The following KDM4C variants were observed in gnomAD, a reference collection of about 807,000 sequenced individuals.
The protein encoded by KDM4C is lysine-specific demethylase 4C.
Under a neutral mutation model 129.3 loss-of-function variants are expected in KDM4C, and 81 were observed. The observed-to-expected ratio is 0.63, with a 90% CI of 0.52 to 0.75. KDM4C has a LOEUF of 0.75. Ranked by LOEUF, KDM4C falls within the 30% of genes least tolerant of loss-of-function variation. The probability of loss-of-function intolerance (pLI) is 0.00; values close to 1 mark genes in which losing one functional copy is unlikely to be tolerated. For missense variants in KDM4C, 1,457 were observed against 1,304.0 expected (o/e 1.12, Z -1.81); for synonymous variants, 573 against 456.1 (o/e 1.26, Z -3.26).
chr9:7,156,203 G>A (rs550512745), intron 19 of KDM4C, among the ~76,000 whole-genome samples: 158 of 152,278 alleles, frequency 1.0e-3, no homozygotes, highest in African/African-American at 3.7e-3. Flanking sequence ...TGATGAGGTT[G>A]TTTGTTCTTT....
chr9:6,892,176 T>C (rs1371150072), intron 7 of KDM4C, among the ~76,000 whole-genome samples: 1 of 152,196 alleles, frequency 6.6e-6, no homozygotes, highest in African/African-American at 2.4e-5. Context: ...ACTGAAAGAA[T>C]TTAAAGATAT....
intron 15 of KDM4C, among the ~76,000 whole-genome samples, chr9:7,038,914 A>G (rs1020746014): frequency 2.6e-5 from 4 of 152,116 alleles, no homozygotes; most frequent in African/African-American, 9.6e-5. Flanking sequence ...AACTTTTTAC[A>G]TATTTTTTGT....
At chr9:6,837,406 A>G (rs1446072891) in intron 4 of KDM4C, among the ~76,000 whole-genome samples, 4 of 152,246 alleles carry the variant, frequency 2.6e-5, no homozygotes, top group Non-Finnish European at 2.9e-5. Context: ...ATACAATACA[A>G]AATTCACCCA....
chr9:7,083,652 G>A (rs1322564875), intron 17 of KDM4C, among the ~76,000 whole-genome samples: 1 of 151,620 alleles, frequency 6.6e-6, no homozygotes, highest in Admixed American at 6.6e-5. Context: ...AATCTTATGG[G>A]ACCACCATGG....
At chr9:6,997,738 T>C (rs1820026288) in intron 12 of KDM4C, among the ~76,000 whole-genome samples, 2 of 152,198 alleles carry the variant, frequency 1.3e-5, no homozygotes, top group African/African-American at 4.8e-5. Flanking sequence ...TGAGGCTTGG[T>C]CATGAATGAT....
At chr9:6,787,013 G>C (rs1314816660) in intron 1 of KDM4C, among the ~76,000 whole-genome samples, 1 of 151,998 alleles carries the variant, frequency 6.6e-6, no homozygotes, top group Non-Finnish European at 1.5e-5. Flanking sequence ...GATTGAAAAA[G>C]GTCTAAAACC....
At chr9:6,997,240 TGAG>T (rs1035226004) in intron 12 of KDM4C, among the ~76,000 whole-genome samples, 1 of 152,030 alleles carries the variant, frequency 6.6e-6, no homozygotes, top group Non-Finnish European at 1.5e-5. Context: ...TTGTGGCCGT[TGAG>T]GAGAAATTTT....
At chr9:6,723,630 CAA>C (rs4008336) in intron 1 of KDM4C, 15,508 of 112,044 alleles carry the variant, frequency 0.14, 1,069 homozygotes, top group African/African-American at 0.24. Flanking sequence ...GACTCCATCT[CAA>C]AAAAAAAAAA....
rs887319032 is a variant in KDM4C at position 7,097,372 on chromosome 9, A to G, written c.2425-6313A>G. 6.6e-5 allele frequency among the ~76,000 whole-genome samples: 10 copies of G among 152,318 alleles called. No individual in the cohort carries two copies. The East Asian group carries it at 1.9e-3, about 29-fold the overall frequency. On this transcript the variant is annotated intron_variant, in intron 17 of 21. Coordinates refer to ENST00000381309, the MANE Select transcript of KDM4C (RefSeq NM_015061.6). The stretch of plus-strand genomic sequence containing the variant: ...AAACCCTGTTTTTGCTTTATTGTGC[A>G]TTCTTGGGAGCCATCAGGTTGGAAC...
chr9:7,053,044 TAG>T (rs2132600765), intron 17 of KDM4C, among the ~76,000 whole-genome samples: 1 of 152,282 alleles, frequency 6.6e-6, no homozygotes, highest in Non-Finnish European at 1.5e-5. Flanking sequence ...TGGGGCAAGT[TAG>T]AGTTTTTCTG....
At chr9:7,131,757 TA>T (rs143320349) in intron 19 of KDM4C, among the ~76,000 whole-genome samples, 3,702 of 151,520 alleles carry the variant, frequency 0.024, 156 homozygotes, top group East Asian at 0.19. Flanking sequence ...CATCAGGACG[TA>T]AAAAAAAAAT....
intron 17 of KDM4C, among the ~76,000 whole-genome samples, chr9:7,087,654 G>A (rs187568590): frequency 6.6e-6 from 1 of 152,246 alleles, no homozygotes; most frequent in Admixed American, 6.5e-5. Context: ...AATTCTGGAG[G>A]GAAAGTGGAA....
intron 1 of KDM4C, among the ~76,000 whole-genome samples, chr9:6,730,665 TTC>T (rs1210988398): frequency 1.3e-5 from 2 of 151,636 alleles, no homozygotes; most frequent in African/African-American, 4.8e-5. Flanking sequence ...CAATGAATGA[TTC>T]ATGAATCAGG....
chr9:6,946,414 A>T (rs1376308961), intron 8 of KDM4C, among the ~76,000 whole-genome samples: 1 of 152,132 alleles, frequency 6.6e-6, no homozygotes, highest in Non-Finnish European at 1.5e-5. Flanking sequence ...ATTTCTGAAG[A>T]GAATATGGCA....
chr9:7,057,176 C>G (rs752726653), intron 17 of KDM4C, among the ~76,000 whole-genome samples: 1 of 152,130 alleles, frequency 6.6e-6, no homozygotes, highest in Non-Finnish European at 1.5e-5. Context: ...TAAAAATCCA[C>G]AAAGAAAGCT....
Position 7,049,116 on chromosome 9 carries a change from T to C in KDM4C, c.2340T>C (p.Val780=), listed in dbSNP as rs1313580709. Residue 780 remains valine, a synonymous_variant, in exon 17 of 22, where the codon GTT becomes GTC. Coordinates refer to ENST00000381309, the MANE Select transcript of KDM4C (RefSeq NM_015061.6). ...NNKWAHVMCA[V]AVPEVRFTNV... ...GGTGGGCCCATGTCATGTGCGCCGT[T>C]GCGGTCCCAGAAGTTCGATTCACTA... is the stretch of plus-strand genomic sequence containing the variant. 1 of 1,612,450 alleles carries C rather than the reference T, an allele frequency of 6.2e-7. No homozygotes were observed. Among genetic ancestry groups the C allele is most frequent in the Non-Finnish European group, 8.5e-7 (1 of 1,178,900 alleles).
intron 19 of KDM4C, among the ~76,000 whole-genome samples, chr9:7,141,263 T>G (rs1841713437): frequency 6.6e-6 from 1 of 152,202 alleles, no homozygotes; most frequent in Non-Finnish European, 1.5e-5. Flanking sequence ...TTCTCATCCC[T>G]CTTTTCCCAT....
chr9:7,014,267 G>C, intron 14 of KDM4C: 1 of 341,818 alleles, frequency 2.9e-6, no homozygotes, highest in South Asian at 7.8e-5. Flanking sequence ...GAGTCATGAT[G>C]GGGTTCCTTT....
At chr9:7,152,332 T>C (rs1207285572) in intron 19 of KDM4C, among the ~76,000 whole-genome samples, 1 of 152,242 alleles carries the variant, frequency 6.6e-6, no homozygotes, top group Non-Finnish European at 1.5e-5. Context: ...TCATCTATAC[T>C]GTTGCATATA....
Sources: allele counts gnomAD v4.1 joint callset (sites outside exome capture counted in the v4.1 genomes callset), GRCh38; gene constraint gnomAD v4.1.1; transcripts MANE v1.5; gene names NCBI Gene and HGNC (gene_info 2026-07-23, HGNC 2026-07-21).